The following ASTN1 variants were observed in gnomAD, a reference collection of about 807,000 sequenced individuals.
ASTN1 encodes the protein astrotactin-1.
A neutral mutation model predicts 140.7 loss-of-function variants in ASTN1; 41 were observed. The ratio of observed to expected loss-of-function variants is 0.29; its 90% CI spans 0.23 to 0.38. ASTN1 has a LOEUF of 0.38. Ranked by LOEUF, ASTN1 falls within the 10% of genes least tolerant of loss-of-function variation. The pLI, the probability that ASTN1 is intolerant of heterozygous loss-of-function variation, is 1.00. For synonymous variants in ASTN1, 640 were observed against 652.2 expected (o/e 0.98, Z 0.29); for missense variants, 1,479 against 1,678.8 (o/e 0.88, Z 2.08).
downstream of ASTN1, among the ~76,000 whole-genome samples, chr1:176,859,285 C>T (rs2103003147): frequency 6.6e-6 from 1 of 152,244 alleles, no homozygotes; most frequent in African/African-American, 2.4e-5. Flanking sequence ...TATTAGGATA[C>T]AGTGCCCCAC....
In ASTN1 at chr1:176,894,693, C is replaced by T; in HGVS notation, c.2809G>A (p.Gly937Arg). ...AGGGGGCAGGACGAGGGGCATCGTCCCTTGCTGTGGCACTCCATGCGGACT... is the reference window on the plus strand; with the variant it reads ...AGGGGGCAGGACGAGGGGCATCGTCTCTTGCTGTGGCACTCCATGCGGACT... ...AGVRMECHSK[G>R]RCPSSCPLCH... Residue 937 changes from glycine to arginine, a missense_variant, in exon 17 of 23, where the codon GGA (glycine) becomes AGA (arginine). Transcript: ENST00000361833. The T allele has an allele frequency of 6.2e-7, 1 of 1,614,154 alleles. No homozygotes were observed. Among genetic ancestry groups the T allele is most frequent in the Non-Finnish European group, 8.5e-7 (1 of 1,180,022 alleles).
At chr1:176,914,421 A>G (rs1347511585) in intron 16 of ASTN1, among the ~76,000 whole-genome samples, 1 of 152,238 alleles carries the variant, frequency 6.6e-6, no homozygotes, top group Non-Finnish European at 1.5e-5. Context: ...AGAGACAATA[A>G]GGTCAAAGAA....
At chr1:177,049,652 A>C (rs538618155) in intron 2 of ASTN1, among the ~76,000 whole-genome samples, 1 of 152,276 alleles carries the variant, frequency 6.6e-6, no homozygotes, top group African/African-American at 2.4e-5. Context: ...TCTTATCCCA[A>C]CATTAGGCTG....
intron 1 of ASTN1, among the ~76,000 whole-genome samples, chr1:177,153,446 C>T (rs1158424983): frequency 6.6e-6 from 1 of 151,998 alleles, no homozygotes; most frequent in Non-Finnish European, 1.5e-5. Flanking sequence ...ATTATAGCGA[C>T]ACAAAATGGA....
At chr1:176,884,586 C>T in intron 18 of ASTN1, 96 bp from the exon 19 acceptor site, 2 of 1,347,300 alleles carry the variant, frequency 1.5e-6, no homozygotes, top group Non-Finnish European at 2.0e-6. Flanking sequence ...GCTTTTCTTT[C>T]CCAACCAACT....
chr1:177,148,334 C>T (rs7513002), intron 1 of ASTN1, among the ~76,000 whole-genome samples: 23,177 of 150,942 alleles, frequency 0.15, 3,566 homozygotes, highest in African/African-American at 0.4. Context: ...AGGAGAATGG[C>T]GTGAACCCGG....
At chr1:176,958,199 C>T in intron 10 of ASTN1, 146 bp downstream of exon 10, 2 of 1,239,514 alleles carry the variant, frequency 1.6e-6, no homozygotes, top group Non-Finnish European at 2.2e-6. Context: ...CAGACCCTGG[C>T]ACAACATAGG....
intron 21 of ASTN1, among the ~76,000 whole-genome samples, 170 bp downstream of exon 21, chr1:176,876,367 C>G (rs1375870520): frequency 2.0e-5 from 3 of 152,166 alleles, no homozygotes; most frequent in Non-Finnish European, 4.4e-5. Context: ...TTGCCAGCGG[C>G]TGAGTATTAT....
Position 177,081,858 on chromosome 1 carries a change from A to G in ASTN1, c.284-20593T>C, listed in dbSNP as rs74952183. Among the ~76,000 whole-genome samples, 703 of 152,284 alleles carry G rather than the reference A, an allele frequency of 4.6e-3. 4 individuals are homozygous for G. Among genetic ancestry groups the G allele is most frequent in the African/African-American group, 0.016 (680 of 41,552 alleles). On this transcript the variant is annotated intron_variant, in intron 1 of 22. Coordinates refer to ENST00000361833, the MANE Select transcript of ASTN1 (RefSeq NM_004319.3). The stretch of plus-strand genomic sequence containing the variant: ...TGTAGAGTCAAGCTAAGAGTGGTTT[A>G]AGGGTTTGCTCTTGGAAAGAAGAAT...
At chr1:177,048,590 C>T (rs911268451) in intron 2 of ASTN1, among the ~76,000 whole-genome samples, 1 of 152,184 alleles carries the variant, frequency 6.6e-6, no homozygotes, top group South Asian at 2.1e-4. Flanking sequence ...ATAAATGTCT[C>T]CTTCCGGGAG....
chr1:176,866,403 T>C (rs898862567), intron 22 of ASTN1, among the ~76,000 whole-genome samples: 1 of 152,148 alleles, frequency 6.6e-6, no homozygotes, highest in African/African-American at 2.4e-5. Flanking sequence ...CCTCTGCAGT[T>C]TGGCCAAGCA....
chr1:176,867,041 T>C (rs930582179), intron 22 of ASTN1, among the ~76,000 whole-genome samples: 4 of 152,214 alleles, frequency 2.6e-5, no homozygotes, highest in African/African-American at 9.6e-5. Flanking sequence ...GTATTACACA[T>C]GAAGGAACCT....
intron 1 of ASTN1, among the ~76,000 whole-genome samples, chr1:177,133,591 C>A (rs139410616): frequency 6.6e-6 from 1 of 152,130 alleles, no homozygotes; most frequent in Non-Finnish European, 1.5e-5. Flanking sequence ...ATAATACTTG[C>A]ACACTGATAT....
chr1:176,970,701 T>C (rs1457987037), intron 8 of ASTN1, among the ~76,000 whole-genome samples: 2 of 149,070 alleles, frequency 1.3e-5, no homozygotes, highest in African/African-American at 2.5e-5. Flanking sequence ...TATGTATATA[T>C]GTATCTGTGT....
At chr1:176,871,944 C>T (rs1668362114) in intron 21 of ASTN1, among the ~76,000 whole-genome samples, 1 of 152,148 alleles carries the variant, frequency 6.6e-6, no homozygotes, top group African/African-American at 2.4e-5. Flanking sequence ...CCTGTCTACA[C>T]AGCCTCATCA....
intron 3 of ASTN1, among the ~76,000 whole-genome samples, chr1:177,031,944 T>C (rs1391077525): frequency 6.6e-6 from 1 of 152,260 alleles, no homozygotes; most frequent in East Asian, 1.9e-4. Flanking sequence ...TCATTTTCTT[T>C]GAAGAAGTGC....
intron 8 of ASTN1, among the ~76,000 whole-genome samples, chr1:176,991,698 G>A (rs1159974777): frequency 6.6e-6 from 1 of 152,180 alleles, no homozygotes; most frequent in Non-Finnish European, 1.5e-5. Flanking sequence ...TAATCCTGCA[G>A]AAGGGCAACA....
At chr1:176,864,719 G>A (rs1668075276) in intron 22 of ASTN1, among the ~76,000 whole-genome samples, 198 bp from the exon 23 acceptor site, 1 of 152,178 alleles carries the variant, frequency 6.6e-6, no homozygotes, top group Non-Finnish European at 1.5e-5. Context: ...ATGAATGAAT[G>A]AATGAATTGG....
intron 5 of ASTN1, among the ~76,000 whole-genome samples, chr1:177,027,649 C>T (rs1350165075): frequency 1.3e-5 from 2 of 148,250 alleles, no homozygotes; most frequent in African/African-American, 5.0e-5. Flanking sequence ...TTTTTATGTG[C>T]CATTTTCCTT....
Sources: gnomAD v4.1 joint callset for allele counts (sites outside exome capture counted in the v4.1 genomes callset) on GRCh38, gnomAD v4.1.1 for gene constraint, MANE v1.5 for transcripts, NCBI Gene and HGNC (gene_info 2026-07-23, HGNC 2026-07-21) for gene names.